Variants in PALLD observed in about 807,000 individuals in gnomAD.
The protein encoded by PALLD is palladin, cytoskeletal associated protein, also known as palladin.
A neutral mutation model predicts 123.5 loss-of-function variants in PALLD; 61 were observed. The ratio of observed to expected loss-of-function variants is 0.49; its 90% CI spans 0.40 to 0.61. The LOEUF is 0.61. Ranked by LOEUF, PALLD falls within the 20% of genes least tolerant of loss-of-function variation. The probability of loss-of-function intolerance (pLI) is 0.00; values close to 1 mark genes in which losing one functional copy is unlikely to be tolerated. For synonymous variants in PALLD, 465 were observed against 496.4 expected, an observed-to-expected ratio of 0.94 and a Z score of 0.84; for missense variants, 1,273 against 1,377.0, an observed-to-expected ratio of 0.92 and a Z score of 1.20.
At chr4:168,593,719 G>A (rs1025463830) in intron 2 of PALLD, among the ~76,000 whole-genome samples, 2 of 152,146 alleles carry the variant, frequency 1.3e-5, no homozygotes, top group Non-Finnish European at 2.9e-5. Flanking sequence ...TGTACTTGAC[G>A]GTCAGATGTT....
intron 2 of PALLD, among the ~76,000 whole-genome samples, chr4:168,629,666 A>G (rs1002246620): frequency 3.9e-5 from 6 of 152,150 alleles, no homozygotes; most frequent in African/African-American, 7.2e-5. Flanking sequence ...ATCACCCTCA[A>G]AAATCACTGT....
intron 2 of PALLD, among the ~76,000 whole-genome samples, chr4:168,587,108 C>T (rs1770905342): frequency 6.6e-6 from 1 of 152,120 alleles, no homozygotes; most frequent in African/African-American, 2.4e-5. Flanking sequence ...TGGACACCCC[C>T]CGACGACAAA....
intron 2 of PALLD, among the ~76,000 whole-genome samples, chr4:168,664,290 C>G (rs1779410275): frequency 6.6e-6 from 1 of 151,966 alleles, no homozygotes; most frequent in African/African-American, 2.4e-5. Flanking sequence ...GAGTTTAAGG[C>G]TAAAGAAAAT....
At chr4:168,628,851 T>C (rs1246627454) in intron 2 of PALLD, among the ~76,000 whole-genome samples, 2 of 149,168 alleles carry the variant, frequency 1.3e-5, no homozygotes, top group African/African-American at 2.4e-5. Context: ...TGTCCCCTGC[T>C]GTGTTACCAA....
intron 10 of PALLD, among the ~76,000 whole-genome samples, chr4:168,807,164 T>C (rs1416344607): frequency 6.6e-6 from 1 of 151,910 alleles, no homozygotes; most frequent in East Asian, 1.9e-4. Context: ...AAGTAAAAGT[T>C]AGAAGGTACA....
chr4:168,702,210 G>GA (rs1230309098), intron 8 of PALLD, among the ~76,000 whole-genome samples: 3 of 152,004 alleles, frequency 2.0e-5, no homozygotes, highest in South Asian at 2.1e-4. Flanking sequence ...ATCAGCTCTA[G>GA]AAAAAAAGAA....
At chr4:168,662,027 C>T (rs1779183651) in intron 2 of PALLD, among the ~76,000 whole-genome samples, 1 of 152,022 alleles carries the variant, frequency 6.6e-6, no homozygotes, top group African/African-American at 2.4e-5. Flanking sequence ...ATGATCTTTC[C>T]ATCCTAATTA....
intron 10 of PALLD, among the ~76,000 whole-genome samples, chr4:168,759,205 A>G (rs1186118341): frequency 4.4e-4 from 20 of 45,238 alleles, no homozygotes; most frequent in Non-Finnish European, 6.3e-4. Flanking sequence ...AAAAAAAAAT[A>G]TATATATATA....
chr4:168,843,480 T>C (rs4692552), intron 10 of PALLD, among the ~76,000 whole-genome samples: 28,097 of 152,148 alleles, frequency 0.18, 3,101 homozygotes, highest in Non-Finnish European at 0.26. Flanking sequence ...AGTATAAGAA[T>C]TCTGTTGATA....
intron 2 of PALLD, among the ~76,000 whole-genome samples, chr4:168,574,819 A>G (rs1461006521): frequency 1.3e-5 from 2 of 152,158 alleles, no homozygotes; most frequent in Admixed American, 1.3e-4. Context: ...TTTGTCACAG[A>G]GGCTCTAAAG....
chr4:168,709,822 T>C, intron 9 of PALLD, among the ~76,000 whole-genome samples: 1 of 152,014 alleles, frequency 6.6e-6, no homozygotes, highest in Non-Finnish European at 1.5e-5. Context: ...GTGTAGCAAC[T>C]GAACACACAG....
In PALLD at chr4:168,690,362, C is replaced by T. The variant is rs140826697; in HGVS notation, c.1336-241C>T. On this transcript the variant is annotated intron_variant, in intron 6 of 21. Transcript: ENST00000505667. ...TTTGCAGACAGGCCAGAAAGCTCTACAGGACTTATGGTACACTTTACTCAT... is the reference window on the plus strand; with the variant it reads ...TTTGCAGACAGGCCAGAAAGCTCTATAGGACTTATGGTACACTTTACTCAT... Among the ~76,000 whole-genome samples the T allele has an allele frequency of 1.2e-3, 189 of 152,284 alleles. 1 individual carries two copies. In the East Asian group the frequency reaches 0.02, roughly 16 times the overall value.
intron 2 of PALLD, among the ~76,000 whole-genome samples, chr4:168,521,706 C>T (rs934985957): frequency 1.9e-4 from 29 of 152,252 alleles, no homozygotes; most frequent in African/African-American, 7.0e-4. Flanking sequence ...AGATGGAACA[C>T]TTCAACAGCA....
chr4:168,822,114 A>T (rs999336368), intron 10 of PALLD, among the ~76,000 whole-genome samples: 1 of 152,036 alleles, frequency 6.6e-6, no homozygotes, highest in Non-Finnish European at 1.5e-5. Flanking sequence ...AAACTAAGAG[A>T]GTATGAGAAT....
Position 168,816,383 on chromosome 4 carries a change from A to ACG in PALLD, c.1965-74539_1965-74538insCG, listed in dbSNP as rs199609030. On this transcript the variant is annotated intron_variant, in intron 10 of 21. Transcript: ENST00000505667. ...CTACTTAGACCTATGTTATATGTGT[A>ACG]TGTGTGTATATATATATATATATAT... Among the ~76,000 whole-genome samples, 603 of 115,302 alleles carry ACG rather than the reference A, an allele frequency of 5.2e-3. 9 individuals are homozygous for ACG. The highest frequency in any genetic ancestry group is 0.016 in the African/African-American group (580 of 35,428). 75.6% of individuals were successfully genotyped at this position (115,302 alleles called of 152,430 possible). A position where few individuals can be genotyped will look rare whatever the true frequency, so the allele number is the denominator to read the frequency against.
At chr4:168,905,799 T>C (rs1036518795) in intron 15 of PALLD, among the ~76,000 whole-genome samples, 2 of 147,666 alleles carry the variant, frequency 1.4e-5, no homozygotes, top group Admixed American at 6.7e-5. Context: ...TCTTTTTTTT[T>C]TTTTTTTTTT....
Position 168,797,724 on chromosome 4 carries a change from T to C in PALLD, c.1964+85801T>C, listed in dbSNP as rs538622578. 2.0e-5 allele frequency among the ~76,000 whole-genome samples: 3 copies of C among 152,234 alleles called. No homozygotes were observed. The South Asian group carries it at 6.2e-4, about 32-fold the overall frequency. The stretch of plus-strand genomic sequence containing the variant: ...AAGAAAAATATGTTAATTTAAAAAA[T>C]ATCAGAGACCAAATGAGAAGTTGAA... On this transcript the variant is annotated intron_variant, in intron 10 of 21. Coordinates refer to ENST00000505667, the MANE Select transcript of PALLD (RefSeq NM_001166108.2).
At chr4:168,555,497 C>T (rs562413551) in intron 2 of PALLD, among the ~76,000 whole-genome samples, 2 of 152,324 alleles carry the variant, frequency 1.3e-5, no homozygotes, top group South Asian at 4.1e-4. Context: ...GCTGAGAAAA[C>T]TTGCTGCTCC....
At chr4:168,625,141 A>C (rs1775111916) in intron 2 of PALLD, among the ~76,000 whole-genome samples, 2 of 152,114 alleles carry the variant, frequency 1.3e-5, no homozygotes, top group South Asian at 4.1e-4. Flanking sequence ...AAGTGATTAG[A>C]TATTAGATAT....
Sources: allele counts gnomAD v4.1 joint callset (sites outside exome capture counted in the v4.1 genomes callset), GRCh38; gene constraint gnomAD v4.1.1; transcripts MANE v1.5; gene names NCBI Gene and HGNC (gene_info 2026-07-23, HGNC 2026-07-21).